TENM4: variants seen among roughly 807,000 people sequenced by gnomAD.
TENM4 encodes teneurin-4.
Under a neutral mutation model 243.3 loss-of-function variants are expected in TENM4, and 82 were observed. The observed-to-expected ratio is 0.34, with a 90% CI of 0.28 to 0.40. The LOEUF is 0.40. TENM4 is among the 10% of genes least tolerant of loss of function. TENM4 has a pLI of 1.00. For missense variants in TENM4, 3,138 were observed against 3,673.3 expected, an observed-to-expected ratio of 0.85 and a Z score of 3.77; for synonymous variants, 1,412 against 1,456.3, an observed-to-expected ratio of 0.97 and a Z score of 0.69.
intron 6 of TENM4, among the ~76,000 whole-genome samples, chr11:78,987,517 A>T (rs1012446238): frequency 6.6e-6 from 1 of 152,256 alleles, no homozygotes; most frequent in African/African-American, 2.4e-5. Flanking sequence ...AAGGAATCTT[A>T]TACGTTTGCT....
chr11:79,022,958 T>C (rs1416437304), intron 6 of TENM4, among the ~76,000 whole-genome samples: 1 of 152,146 alleles, frequency 6.6e-6, no homozygotes, highest in African/African-American at 2.4e-5. Context: ...ATTTAACACA[T>C]GAGAAACTGA....
chr11:78,766,945 C>T (rs1174106630), intron 18 of TENM4, among the ~76,000 whole-genome samples: 1 of 152,134 alleles, frequency 6.6e-6, no homozygotes, highest in African/African-American at 2.4e-5. Context: ...CTCAAGTGAT[C>T]CACCCGCCTC....
chr11:78,841,785 TA>T (rs1453622167), intron 12 of TENM4, among the ~76,000 whole-genome samples: 1 of 152,096 alleles, frequency 6.6e-6, no homozygotes, highest in East Asian at 1.9e-4. Flanking sequence ...TGTCTAGAAG[TA>T]ACTGTTTCCA....
chr11:79,321,638 A>G lies in TENM4; in HGVS notation c.-320-24095T>C, dbSNP rs12360612. 8.6e-5 allele frequency among the ~76,000 whole-genome samples: 9 copies of G among 104,568 alleles called. No homozygotes were observed. The Admixed American group carries it at 8.9e-4, about 10-fold the overall frequency. 68.6% of individuals were successfully genotyped at this position (104,568 alleles called of 152,430 possible). A position where few individuals can be genotyped will look rare whatever the true frequency, so the allele number is the denominator to read the frequency against. On this transcript the variant is annotated intron_variant, in intron 1 of 33. Transcript: ENST00000278550. ...TGACTTTCTGCACAAGCAGGAAATT[A>G]CCAAAAAAAAAAAAAAAAAAAAAAA... is the stretch of plus-strand genomic sequence containing the variant.
intron 6 of TENM4, among the ~76,000 whole-genome samples, chr11:78,982,991 C>A (rs1857835963): frequency 6.6e-6 from 1 of 152,206 alleles, no homozygotes; most frequent in Non-Finnish European, 1.5e-5. Flanking sequence ...CTCCCTGTGA[C>A]CTTTCCCGAG....
chr11:79,033,552 A>AAAGCAC (rs1284205681), intron 6 of TENM4, among the ~76,000 whole-genome samples: 3 of 152,350 alleles, frequency 2.0e-5, no homozygotes, highest in African/African-American at 4.8e-5. Flanking sequence ...ACATGGTGCC[A>AAAGCAC]AAGCACAAGT....
At chr11:78,683,741 C>G (rs1050038044) in intron 29 of TENM4, among the ~76,000 whole-genome samples, 3 of 151,782 alleles carry the variant, frequency 2.0e-5, no homozygotes, top group Admixed American at 6.6e-5. Flanking sequence ...CCATCTTCTG[C>G]GTCGCTCACG....
At chr11:78,812,478 C>A (rs963478358) in intron 13 of TENM4, among the ~76,000 whole-genome samples, 162 bp from the exon 14 acceptor site, 1 of 152,358 alleles carries the variant, frequency 6.6e-6, no homozygotes, top group East Asian at 1.9e-4. Context: ...TGCTTTATTT[C>A]TTTCCAGTTT....
intron 5 of TENM4, among the ~76,000 whole-genome samples, chr11:79,066,014 C>G (rs1158300562): frequency 6.6e-6 from 1 of 152,176 alleles, no homozygotes; most frequent in African/African-American, 2.4e-5. Flanking sequence ...ATCTGGAGAA[C>G]TGGAGTTATA....
At chr11:79,142,331 C>T (rs1437653087) in intron 4 of TENM4, among the ~76,000 whole-genome samples, 2 of 150,844 alleles carry the variant, frequency 1.3e-5, no homozygotes, top group East Asian at 1.9e-4. Flanking sequence ...TTTCTATATG[C>T]CAACAGCAAA....
intron 15 of TENM4, among the ~76,000 whole-genome samples, chr11:78,802,761 C>T (rs1239271018): frequency 6.6e-6 from 1 of 152,238 alleles, no homozygotes; most frequent in African/African-American, 2.4e-5. Context: ...CTATGGGACA[C>T]TCAACAAACG....
At chr11:78,873,031 C>T (rs960008993) in intron 9 of TENM4, among the ~76,000 whole-genome samples, 1 of 152,184 alleles carries the variant, frequency 6.6e-6, no homozygotes, top group African/African-American at 2.4e-5. Flanking sequence ...TAATGAGAAA[C>T]ATTTCAAAAT....
At chr11:78,961,166 A>C (rs761865939) in intron 6 of TENM4, among the ~76,000 whole-genome samples, 11 of 152,200 alleles carry the variant, frequency 7.2e-5, no homozygotes, top group Admixed American at 2.6e-4. Flanking sequence ...CCACACAAGC[A>C]CTTATAAATA....
At chr11:79,429,074 C>T (rs1335861028) in intron 1 of TENM4, among the ~76,000 whole-genome samples, 1 of 152,132 alleles carries the variant, frequency 6.6e-6, no homozygotes, top group Non-Finnish European at 1.5e-5. Flanking sequence ...AATCTAGTGC[C>T]TGACAGCAGC....
chr11:78,920,504 G>C (rs1013745974), intron 6 of TENM4, among the ~76,000 whole-genome samples: 2 of 152,180 alleles, frequency 1.3e-5, no homozygotes, highest in African/African-American at 2.4e-5. Flanking sequence ...CTGGGTAACA[G>C]TAACACAGCC....
chr11:78,743,404 A>G (rs944126075), intron 19 of TENM4, among the ~76,000 whole-genome samples: 1 of 152,230 alleles, frequency 6.6e-6, no homozygotes. Flanking sequence ...AACCTCCTCC[A>G]AAACAGGTGT....
intron 6 of TENM4, among the ~76,000 whole-genome samples, chr11:79,020,114 T>C (rs1180828541): frequency 1.3e-5 from 2 of 152,152 alleles, no homozygotes; most frequent in Non-Finnish European, 2.9e-5. Context: ...AGATCAACAA[T>C]GGCTCTCGCT....
intron 12 of TENM4, 63 bp from the exon 13 acceptor site, chr11:78,814,458 G>C: frequency 7.0e-7 from 1 of 1,436,074 alleles, no homozygotes; most frequent in Non-Finnish European, 9.5e-7. Context: ...GAGAGCCCAG[G>C]AATCAAGCTT....
intron 1 of TENM4, among the ~76,000 whole-genome samples, chr11:79,375,544 C>G (rs909966052): frequency 6.6e-6 from 1 of 152,052 alleles, no homozygotes; most frequent in Non-Finnish European, 1.5e-5. Context: ...TATGATTATC[C>G]TCCTGTTAAG....
Sources: allele counts gnomAD v4.1 joint callset (sites outside exome capture counted in the v4.1 genomes callset), GRCh38; gene constraint gnomAD v4.1.1; transcripts MANE v1.5; gene names NCBI Gene and HGNC (gene_info 2026-07-23, HGNC 2026-07-21).